FTO: variants seen among roughly 807,000 people sequenced by gnomAD.
FTO encodes FTO alpha-ketoglutarate dependent dioxygenase, also known as alpha-ketoglutarate-dependent dioxygenase FTO.
A neutral mutation model predicts 63.9 loss-of-function variants in FTO; 47 were observed. The ratio of observed to expected loss-of-function variants is 0.74; its 90% confidence interval spans 0.58 to 0.94. The LOEUF is 0.94. Among genes scored for constraint, FTO ranks in the 40% least tolerant of loss-of-function variants. The probability of loss-of-function intolerance (pLI) is 0.00; values close to 1 mark genes in which losing one functional copy is unlikely to be tolerated. For missense variants in FTO, 562 were observed against 618.1 expected (o/e 0.91, Z 0.96); for synonymous variants, 207 against 224.4 (o/e 0.92, Z 0.69).
chr16:54,037,448 C>T (rs1231166184), intron 8 of FTO, among the ~76,000 whole-genome samples: 3 of 152,214 alleles, frequency 2.0e-5, no homozygotes, highest in Non-Finnish European at 4.4e-5. Flanking sequence ...CTCTACCCTC[C>T]TTGTCACGTT....
intron 4 of FTO, among the ~76,000 whole-genome samples, chr16:53,868,935 G>A (rs902801319): frequency 6.6e-6 from 1 of 152,018 alleles, no homozygotes. Flanking sequence ...GGGTTCAAGC[G>A]ATTTTCCTGC....
chr16:54,090,557 T>C (rs1467396680), intron 8 of FTO, among the ~76,000 whole-genome samples: 1 of 152,198 alleles, frequency 6.6e-6, no homozygotes, highest in Non-Finnish European at 1.5e-5. Flanking sequence ...ATATATTTTG[T>C]CATAAAAAAA....
At chr16:53,951,863 G>C in intron 8 of FTO, among the ~76,000 whole-genome samples, 1 of 151,826 alleles carries the variant, frequency 6.6e-6, no homozygotes. Context: ...ATGCAATAAT[G>C]TGGGTGGTTC....
At chr16:54,031,485 G>C (rs1442196033) in intron 8 of FTO, among the ~76,000 whole-genome samples, 1 of 152,160 alleles carries the variant, frequency 6.6e-6, no homozygotes, top group Admixed American at 6.5e-5. Context: ...AGATGAAATA[G>C]CACGGGCGTC....
intron 5 of FTO, among the ~76,000 whole-genome samples, chr16:53,875,943 C>T (rs1402890578): frequency 6.6e-6 from 1 of 152,256 alleles, no homozygotes; most frequent in African/African-American, 2.4e-5. Context: ...CCCACCTCGG[C>T]CTCCCAAAGT....
Position 54,114,291 on chromosome 16 carries a change from T to A in FTO, c.*2376T>A, listed in dbSNP as rs2086951469. Reference sequence around the variant, plus strand: ...GAACCTGACCTGCATCACCCTTTCATGTCAGTGCTCTCCAAACCTGCTTGC... The same window carrying A: ...GAACCTGACCTGCATCACCCTTTCAAGTCAGTGCTCTCCAAACCTGCTTGC... On this transcript the variant is annotated 3_prime_UTR_variant, in exon 9 of 9. Transcript: ENST00000471389. 1 of 152,202 alleles carries A rather than the reference T, an allele frequency of 6.6e-6. No individual in the cohort carries two copies. Among genetic ancestry groups the A allele is most frequent in the Admixed American group, 6.5e-5 (1 of 15,274 alleles). 9.4% of individuals were successfully genotyped at this position (152,202 alleles called of 1,614,324 possible). A position where few individuals can be genotyped will look rare whatever the true frequency, so the allele number is the denominator to read the frequency against.
intron 8 of FTO, among the ~76,000 whole-genome samples, chr16:53,940,908 C>T (rs2143377260): frequency 6.6e-6 from 1 of 152,228 alleles, no homozygotes; most frequent in Admixed American, 6.5e-5. Context: ...TCACCACCTA[C>T]CCCCAGAATG....
Position 54,116,944 on chromosome 16 carries a change from A to C in FTO, c.*5029A>C, listed in dbSNP as rs1319810991. Reference sequence around the variant, plus strand: ...CCCATCGGCCCCATGCTCCCAGGACAGTCCTAATTCCCACCTCTCAGAACC... The same window carrying C: ...CCCATCGGCCCCATGCTCCCAGGACCGTCCTAATTCCCACCTCTCAGAACC... On this transcript the variant is annotated 3_prime_UTR_variant, in exon 9 of 9. Coordinates refer to ENST00000471389, the MANE Select transcript of FTO (RefSeq NM_001080432.3). The C allele has an allele frequency of 6.6e-6, 1 of 152,280 alleles. No homozygotes were observed. The highest frequency in any genetic ancestry group is 2.4e-5 in the African/African-American group (1 of 41,430). The allele number at this position is 152,280 out of a possible 1,614,324, so 9.4% of individuals were successfully genotyped here. A position where few individuals can be genotyped will look rare whatever the true frequency, so the allele number is the denominator to read the frequency against.
chr16:53,782,529 G>A (rs942945714), intron 1 of FTO, among the ~76,000 whole-genome samples: 1 of 152,210 alleles, frequency 6.6e-6, no homozygotes, highest in African/African-American at 2.4e-5. Context: ...GACCATCTTG[G>A]TGTGTGAAAT....
intron 8 of FTO, 100 bp from the exon 9 acceptor site, chr16:54,111,662 G>C (rs1473905861): frequency 1.6e-6 from 2 of 1,274,126 alleles, no homozygotes; most frequent in Non-Finnish European, 2.3e-6. Flanking sequence ...CCCGAGGACT[G>C]TCTTTGGAGC....
At chr16:53,999,537 C>A (rs1196825344) in intron 8 of FTO, among the ~76,000 whole-genome samples, 1 of 152,196 alleles carries the variant, frequency 6.6e-6, no homozygotes, top group Non-Finnish European at 1.5e-5. Flanking sequence ...TAGTGAAAAT[C>A]AGGAAGCTAC....
At chr16:53,874,915 C>T (rs1287830924) in intron 5 of FTO, among the ~76,000 whole-genome samples, 2 of 152,100 alleles carry the variant, frequency 1.3e-5, no homozygotes, top group Admixed American at 6.6e-5. Flanking sequence ...GAGATAGAGC[C>T]GTCAACATGC....
At chr16:53,758,355 A>T (rs767050437) in intron 1 of FTO, among the ~76,000 whole-genome samples, 10 of 152,132 alleles carry the variant, frequency 6.6e-5, no homozygotes, top group Non-Finnish European at 2.9e-5. Flanking sequence ...GTCCAAATAG[A>T]CCATATCTAC....
At chr16:53,771,528 A>C (rs1398062963) in intron 1 of FTO, among the ~76,000 whole-genome samples, 1 of 152,142 alleles carries the variant, frequency 6.6e-6, no homozygotes, top group Non-Finnish European at 1.5e-5. Context: ...AAAACACAAC[A>C]AAACAAATCT....
intron 7 of FTO, among the ~76,000 whole-genome samples, chr16:53,906,313 G>A (rs1459443493): frequency 6.6e-6 from 1 of 152,182 alleles, no homozygotes; most frequent in Admixed American, 6.5e-5. Flanking sequence ...CCTGACATGT[G>A]TTTAGGGTTG....
chr16:54,106,474 A>G (rs1171572767), intron 8 of FTO, among the ~76,000 whole-genome samples: 1 of 146,174 alleles, frequency 6.8e-6, no homozygotes, highest in Non-Finnish European at 1.5e-5. Flanking sequence ...TTATATACAC[A>G]TATAATATGT....
chr16:53,740,265 G>T (rs2076500934), intron 1 of FTO, among the ~76,000 whole-genome samples: 1 of 152,136 alleles, frequency 6.6e-6, no homozygotes, highest in Non-Finnish European at 1.5e-5. Flanking sequence ...GTAGTTACCT[G>T]GGTAGGTGTA....
intron 7 of FTO, among the ~76,000 whole-genome samples, chr16:53,924,725 A>G (rs1276412490): frequency 6.6e-6 from 1 of 152,140 alleles, no homozygotes; most frequent in East Asian, 1.9e-4. Flanking sequence ...GTTTTCTCAA[A>G]TTCAGGAAAC....
chr16:53,890,862 C>T (rs912810941), intron 7 of FTO, among the ~76,000 whole-genome samples: 1 of 152,072 alleles, frequency 6.6e-6, no homozygotes, highest in Admixed American at 6.6e-5. Context: ...TGATTTTGTC[C>T]ATTTACATAT....
Sources: allele counts gnomAD v4.1 joint callset (sites outside exome capture counted in the v4.1 genomes callset), GRCh38; gene constraint gnomAD v4.1.1; transcripts MANE v1.5; gene names NCBI Gene and HGNC (gene_info 2026-07-23, HGNC 2026-07-21).